Variants in GPHN observed in about 807,000 individuals in gnomAD.
GPHN encodes the protein gephyrin.
In GPHN, 17 loss-of-function variants were observed where a neutral mutation model predicts 95.5. That is an observed-to-expected ratio of 0.18 (90% confidence interval 0.12 to 0.27). The LOEUF is 0.27. Ranked by LOEUF, GPHN falls within the 10% of genes least tolerant of loss-of-function variation. The pLI is 1.00. For missense variants in GPHN, 660 were observed against 978.1 expected (o/e 0.67, Z 4.34); for synonymous variants, 320 against 322.5 (o/e 0.99, Z 0.08).
At chr14:66,540,886 G>A (rs146251285) in intron 1 of GPHN, among the ~76,000 whole-genome samples, 2,308 of 152,202 alleles carry the variant, frequency 0.015, 20 homozygotes, top group Middle Eastern at 0.034. Context: ...TGATCCTCAC[G>A]CCTCAACCTC....
chr14:67,109,270 G>T (rs2078232596), intron 13 of GPHN, among the ~76,000 whole-genome samples: 1 of 152,092 alleles, frequency 6.6e-6, no homozygotes, highest in Non-Finnish European at 1.5e-5. Context: ...CTTTTGGCAG[G>T]GGGGATTAAT....
rs192224243 is a variant in GPHN, at chr14:67,023,327, A to G, written c.964-306A>G. On this transcript the variant is annotated intron_variant, in intron 9 of 22. Transcript: ENST00000478722. ...TAAGGGCCAATATTTACAACTAAAT[A>G]TACAGTAACAAATTTCCATATACCG... is the stretch of plus-strand genomic sequence containing the variant. 3.3e-5 allele frequency among the ~76,000 whole-genome samples: 5 copies of G among 152,268 alleles called. No homozygotes were observed. In the East Asian group the frequency reaches 9.6e-4, roughly 29 times the overall value.
chr14:67,541,748 C>T, the GPHN span: 1 of 887,848 alleles, frequency 1.1e-6, no homozygotes. Flanking sequence ...TTTTCTCTGT[C>T]CTTTGGTCCC....
Position 67,038,631 on chromosome 14 carries a change from C to T in GPHN, c.1006+14956C>T, listed in dbSNP as rs147352299. 1.6e-4 allele frequency among the ~76,000 whole-genome samples: 25 copies of T among 152,252 alleles called. 1 individual carries two copies. In the East Asian group the frequency reaches 4.4e-3, roughly 27 times the overall value. On this transcript the variant is annotated intron_variant, in intron 10 of 22. Coordinates refer to ENST00000478722, the MANE Select transcript of GPHN (RefSeq NM_020806.5). ...TTCTCATTATTAGATTCACCACCTACATACCAATGGCTTTCTATTTTAAGC... is the reference window on the plus strand; with the variant it reads ...TTCTCATTATTAGATTCACCACCTATATACCAATGGCTTTCTATTTTAAGC...
intron 2 of GPHN, among the ~76,000 whole-genome samples, chr14:66,755,826 A>C (rs1488446904): frequency 6.6e-6 from 1 of 152,164 alleles, no homozygotes; most frequent in Non-Finnish European, 1.5e-5. Context: ...TAAAGTGGAC[A>C]AAAGGAAAAT....
At chr14:67,632,987 A>C in the GPHN span, among the ~76,000 whole-genome samples, 1 of 151,064 alleles carries the variant, frequency 6.6e-6, no homozygotes, top group Non-Finnish European at 1.5e-5. Context: ...CGCCCGGCTA[A>C]TTTTTCGTAT....
At chr14:67,387,833 C>T in the GPHN span, among the ~76,000 whole-genome samples, 1 of 152,138 alleles carries the variant, frequency 6.6e-6, no homozygotes, top group East Asian at 1.9e-4. Context: ...TTATTGGAAC[C>T]CCAGTTTCCA....
At chr14:67,375,122 A>G in the GPHN span, among the ~76,000 whole-genome samples, 5 of 152,128 alleles carry the variant, frequency 3.3e-5, no homozygotes, top group African/African-American at 9.7e-5. Context: ...CCTGCTTGTC[A>G]TCCACAGTAA....
intron 1 of GPHN, among the ~76,000 whole-genome samples, chr14:66,620,936 C>A (rs2063264101): frequency 6.6e-6 from 1 of 152,160 alleles, no homozygotes; most frequent in African/African-American, 2.4e-5. Flanking sequence ...GCTACAGGCC[C>A]CATGCCAGTC....
the GPHN span, chr14:67,320,394 C>T: frequency 6.3e-7 from 1 of 1,597,306 alleles, no homozygotes; most frequent in Admixed American, 1.8e-5. Flanking sequence ...ATCTGCAGTT[C>T]CTCGTAAGTT....
At chr14:67,585,012 G>A in the GPHN span, 1 of 152,460 alleles carries the variant, frequency 6.6e-6, no homozygotes, top group Non-Finnish European at 1.5e-5. Flanking sequence ...TTACCATACT[G>A]TAGTCCTGGC....
At chr14:67,350,871 T>G in the GPHN span, among the ~76,000 whole-genome samples, 1 of 152,238 alleles carries the variant, frequency 6.6e-6, no homozygotes, top group African/African-American at 2.4e-5. Flanking sequence ...TCACTAACAA[T>G]ATTACAAACT....
the GPHN span, among the ~76,000 whole-genome samples, chr14:67,496,776 T>G: frequency 2.1e-5 from 2 of 96,938 alleles, no homozygotes; most frequent in Non-Finnish European, 4.4e-5. Flanking sequence ...CCTTCCTCCC[T>G]CCCTCATTTC....
the GPHN span, among the ~76,000 whole-genome samples, chr14:67,257,860 TACAC>T: frequency 1.4e-3 from 216 of 152,286 alleles, no homozygotes; most frequent in Non-Finnish European, 2.4e-3. Context: ...AATTTTGTGT[TACAC>T]AACTATACGT....
intron 9 of GPHN, among the ~76,000 whole-genome samples, chr14:67,020,988 T>C (rs542223771): frequency 6.6e-6 from 1 of 152,238 alleles, no homozygotes; most frequent in East Asian, 1.9e-4. Flanking sequence ...ACCTTCTTTA[T>C]AGTCCATAAG....
intron 9 of GPHN, among the ~76,000 whole-genome samples, chr14:67,005,715 A>G (rs1271275627): frequency 6.6e-6 from 1 of 151,968 alleles, no homozygotes; most frequent in Admixed American, 6.6e-5. Context: ...CACCCTTTGA[A>G]TATGTGTTTT....
the GPHN span, among the ~76,000 whole-genome samples, chr14:67,540,728 T>C: frequency 2.0e-5 from 3 of 152,192 alleles, no homozygotes; most frequent in Non-Finnish European, 4.4e-5. Flanking sequence ...AGACCAAATT[T>C]ATACTTTTTG....
chr14:66,682,896 G>C (rs955012739), intron 2 of GPHN, among the ~76,000 whole-genome samples: 2 of 152,088 alleles, frequency 1.3e-5, no homozygotes, highest in South Asian at 4.2e-4. Context: ...CTTGAATAAT[G>C]GATTATAATA....
the GPHN span, chr14:67,725,174 A>G: frequency 1.9e-6 from 3 of 1,614,228 alleles, no homozygotes; most frequent in African/African-American, 1.3e-5. Context: ...GTGGATACAA[A>G]GAACTCCCAG....
Sources: allele counts gnomAD v4.1 joint callset (sites outside exome capture counted in the v4.1 genomes callset), GRCh38; gene constraint gnomAD v4.1.1; transcripts MANE v1.5; gene names NCBI Gene and HGNC (gene_info 2026-07-23, HGNC 2026-07-21).